ASH1L: variants seen among roughly 807,000 people sequenced by gnomAD.
ASH1L encodes the protein histone-lysine N-methyltransferase ASH1L.
Under a neutral mutation model 269.0 loss-of-function variants are expected in ASH1L, and 23 were observed. That is an observed-to-expected ratio of 0.09 (90% CI 0.06 to 0.12). The LOEUF is 0.12. ASH1L is among the 10% of genes least tolerant of loss of function. The probability of loss-of-function intolerance (pLI) is 1.00; values close to 1 mark genes in which losing one functional copy is unlikely to be tolerated. For synonymous variants in ASH1L, 1,187 were observed against 1,253.5 expected (o/e 0.95, Z 1.12); for missense variants, 2,912 against 3,567.8 (o/e 0.82, Z 4.68).
At chr1:155,359,347 G>A (rs906603846) in intron 13 of ASH1L, among the ~76,000 whole-genome samples, 1 of 152,042 alleles carries the variant, frequency 6.6e-6, no homozygotes, top group Non-Finnish European at 1.5e-5. Context: ...GCATTGGCGC[G>A]ATCTCTGCAA....
At chr1:155,361,385 T>C (rs1025555336) in intron 12 of ASH1L, among the ~76,000 whole-genome samples, 1 of 151,476 alleles carries the variant, frequency 6.6e-6, no homozygotes, top group Non-Finnish European at 1.5e-5. Flanking sequence ...GGCATGGTGG[T>C]GTGCACCTGT....
At chr1:155,438,196 T>A (rs1662250389) in intron 5 of ASH1L, 131 bp downstream of exon 5, 1 of 1,010,484 alleles carries the variant, frequency 9.9e-7, no homozygotes. Context: ...AAGAACAGTT[T>A]TTGAAAAGAA....
chr1:155,510,407 G>A (rs1668091715), intron 2 of ASH1L, among the ~76,000 whole-genome samples: 1 of 103,812 alleles, frequency 9.6e-6, no homozygotes, highest in Non-Finnish European at 1.8e-5. Flanking sequence ...GAGCAAGGCT[G>A]CCTCAAAAAA....
At chr1:155,421,792 G>A (rs1406360853) in intron 5 of ASH1L, among the ~76,000 whole-genome samples, 1 of 152,054 alleles carries the variant, frequency 6.6e-6, no homozygotes, top group African/African-American at 2.4e-5. Context: ...ACGTAATAGA[G>A]TGTAGAAATA....
chr1:155,535,233 AT>A (rs112674447), intron 1 of ASH1L, among the ~76,000 whole-genome samples: 669 of 140,520 alleles, frequency 4.8e-3, no homozygotes, highest in African/African-American at 6.8e-3. Flanking sequence ...TTATCTGAGG[AT>A]TTTTTTTTTT....
chr1:155,352,765 C>T lies in ASH1L; in HGVS notation c.7307G>A (p.Arg2436Gln), dbSNP rs760000093. 3.1e-6 allele frequency: 5 copies of T among 1,609,470 alleles called. No individual in the cohort carries two copies. The highest frequency in any genetic ancestry group is 3.4e-6 in the Non-Finnish European group (4 of 1,178,904). ...AAAEENIEVA[R>Q]AARLAQIFKE... is the part of the protein sequence containing the mutation. ...GAAGATCTGGGCTAGGCGGGCTGCC[C>T]GAGCCACTTCAATATTTTCCTCTGC... Residue 2436 changes from arginine to glutamine, a missense_variant, in exon 17 of 28, where the codon CGG becomes CAG. This residue lies in a region of ASH1L where 309 missense variants were observed against 435.1 expected (regional missense o/e 0.71). Coordinates refer to ENST00000392403, the MANE Select transcript of ASH1L (RefSeq NM_018489.3).
chr1:155,406,254 G>A (rs1659283314), intron 6 of ASH1L, among the ~76,000 whole-genome samples: 1 of 149,832 alleles, frequency 6.7e-6, no homozygotes, highest in East Asian at 2.0e-4. Flanking sequence ...TTGATCTAGA[G>A]TCTGTGAAGA....
intron 3 of ASH1L, among the ~76,000 whole-genome samples, chr1:155,470,225 G>A (rs1297424793): frequency 2.0e-5 from 3 of 152,064 alleles, no homozygotes; most frequent in Admixed American, 6.5e-5. Flanking sequence ...TTGGGAAGCC[G>A]AGGCGGGTGG....
At chr1:155,414,715 A>C (rs1458689157) in intron 6 of ASH1L, among the ~76,000 whole-genome samples, 1 of 152,212 alleles carries the variant, frequency 6.6e-6, no homozygotes, top group Non-Finnish European at 1.5e-5. Flanking sequence ...CAGAAGCCCT[A>C]AACTTTCAAG....
At chr1:155,496,126 C>G (rs1667138508) in intron 2 of ASH1L, among the ~76,000 whole-genome samples, 1 of 152,204 alleles carries the variant, frequency 6.6e-6, no homozygotes, top group Admixed American at 6.5e-5. Flanking sequence ...ATATAACATA[C>G]AGCTGTACAA....
intron 25 of ASH1L, among the ~76,000 whole-genome samples, chr1:155,341,400 T>A (rs984668246): frequency 6.6e-6 from 1 of 152,064 alleles, no homozygotes; most frequent in Admixed American, 6.6e-5. Flanking sequence ...ATGGTCTTGA[T>A]CTCCTGACCT....
At chr1:155,484,801 C>T (rs780521303) in intron 2 of ASH1L, among the ~76,000 whole-genome samples, 16 of 150,448 alleles carry the variant, frequency 1.1e-4, no homozygotes, top group Admixed American at 2.0e-4. Flanking sequence ...TGGTGGCGGG[C>T]GCCTGTAATC....
intron 7 of ASH1L, among the ~76,000 whole-genome samples, chr1:155,381,379 C>CCTGT (rs112348305): frequency 0.056 from 8,421 of 151,276 alleles, 771 homozygotes; most frequent in African/African-American, 0.2. Flanking sequence ...ATAGTGAAAC[C>CCTGT]CTGTATTAAA....
Position 155,435,859 on chromosome 1 carries a change from T to C in ASH1L, c.5828+2468A>G, listed in dbSNP as rs564153865. ...TGAGGTCAGGAGTTCGAGGCTAGCA[T>C]GGCCAACATGGTGAAACCTCGTCTC... On this transcript the variant is annotated intron_variant, in intron 5 of 27. Transcript: ENST00000392403. Among the ~76,000 whole-genome samples, 4 of 152,306 alleles carry C rather than the reference T, an allele frequency of 2.6e-5. No homozygotes were observed. The East Asian group carries it at 7.7e-4, about 29-fold the overall frequency.
chr1:155,411,582 A>ATATATATAT (rs1659775685), intron 6 of ASH1L, among the ~76,000 whole-genome samples: 13 of 48,412 alleles, frequency 2.7e-4, no homozygotes, highest in South Asian at 1.2e-3. Context: ...TAAATAAATA[A>ATATATATAT]ATAAATATAT....
At chr1:155,383,757 C>T (rs1343187920) in intron 7 of ASH1L, among the ~76,000 whole-genome samples, 1 of 152,016 alleles carries the variant, frequency 6.6e-6, no homozygotes. Flanking sequence ...CAGTGATTAC[C>T]AGAGGCTGAG....
At chr1:155,378,611 A>G in intron 8 of ASH1L, 63 bp from the exon 9 acceptor site, 1 of 1,305,968 alleles carries the variant, frequency 7.7e-7, no homozygotes. Flanking sequence ...CGGCAGCATC[A>G]ATCACTAAAA....
In ASH1L at chr1:155,553,846, G is replaced by GA. The variant is rs1444183030; in HGVS notation, c.-100+8306dup. Among the ~76,000 whole-genome samples, 5 of 151,726 alleles carry GA rather than the reference G, an allele frequency of 3.3e-5. No homozygotes were observed. The East Asian group carries it at 9.7e-4, about 29-fold the overall frequency. Reference sequence around the variant, plus strand: ...TGAAATCTCACTGTCACCCAGGCAGGAGTGCAGTGGCAAGATCTCGGCTCA... The same window carrying GA: ...TGAAATCTCACTGTCACCCAGGCAGGAAGTGCAGTGGCAAGATCTCGGCTCA... On this transcript the variant is annotated intron_variant, in intron 1 of 27. Coordinates refer to ENST00000392403, the MANE Select transcript of ASH1L (RefSeq NM_018489.3).
At chr1:155,367,194 A>G (rs1339329698) in intron 12 of ASH1L, among the ~76,000 whole-genome samples, 1 of 152,076 alleles carries the variant, frequency 6.6e-6, no homozygotes, top group Non-Finnish European at 1.5e-5. Flanking sequence ...GGGTTTCACC[A>G]TGTTGGTCAG....
Sources: gnomAD v4.1 joint callset for allele counts (sites outside exome capture counted in the v4.1 genomes callset) on GRCh38, gnomAD v4.1.1 for gene constraint, gnomAD v4.1.1 regional missense constraint, MANE v1.5 for transcripts, NCBI Gene and HGNC (gene_info 2026-07-23, HGNC 2026-07-21) for gene names.